NELL1: variants seen among roughly 807,000 people sequenced by gnomAD.
NELL1 encodes protein kinase C-binding protein NELL1.
A neutral mutation model predicts 107.4 loss-of-function variants in NELL1; 76 were observed. That is an observed-to-expected ratio of 0.71 (90% CI 0.59 to 0.86). The LOEUF (loss-of-function observed/expected upper bound fraction) is 0.86, where lower values mean the gene tolerates loss of function less well. Among genes scored for constraint, NELL1 ranks in the 40% least tolerant of loss-of-function variants. The probability of loss-of-function intolerance (pLI) is 0.00; values close to 1 mark genes in which losing one functional copy is unlikely to be tolerated. For missense variants in NELL1, 1,024 were observed against 1,005.5 expected (o/e 1.02, Z -0.25); for synonymous variants, 353 against 341.2 (o/e 1.03, Z -0.38).
intron 14 of NELL1, among the ~76,000 whole-genome samples, chr11:21,315,263 T>C (rs1223388889): frequency 2.0e-5 from 3 of 152,214 alleles, no homozygotes; most frequent in Non-Finnish European, 4.4e-5. Context: ...AAACCTTTTA[T>C]AGTTTATTAA....
chr11:21,275,809 A>G (rs555776235), intron 14 of NELL1, among the ~76,000 whole-genome samples: 1 of 152,372 alleles, frequency 6.6e-6, no homozygotes, highest in East Asian at 1.9e-4. Flanking sequence ...CCATATGATT[A>G]TCTCAGTAGA....
chr11:21,517,974 A>G (rs1324623720), intron 15 of NELL1, among the ~76,000 whole-genome samples: 2 of 151,936 alleles, frequency 1.3e-5, no homozygotes, highest in South Asian at 2.1e-4. Flanking sequence ...GGTGAGCAGC[A>G]TGAGTTCTGT....
chr11:21,315,861 T>TTGGTGG (rs148401464), intron 14 of NELL1, among the ~76,000 whole-genome samples: 1 of 150,888 alleles, frequency 6.6e-6, no homozygotes, highest in African/African-American at 2.4e-5. Flanking sequence ...TTTGAATGTG[T>TTGGTGG]TGGTGGTGGT....
intron 3 of NELL1, among the ~76,000 whole-genome samples, chr11:20,838,146 T>C (rs1455380141): frequency 1.3e-5 from 2 of 151,738 alleles, no homozygotes; most frequent in Non-Finnish European, 2.9e-5. Context: ...ATTACTTCTA[T>C]GGCATTCCTC....
chr11:21,275,953 A>G (rs1355794509), intron 14 of NELL1, among the ~76,000 whole-genome samples: 4 of 152,158 alleles, frequency 2.6e-5, no homozygotes, highest in African/African-American at 4.8e-5. Flanking sequence ...CATACTGAAT[A>G]GGCAAAAACT....
Position 21,539,851 on chromosome 11 carries a change from GC to G in NELL1, c.1786+5339del, listed in dbSNP as rs199779140. Among the ~76,000 whole-genome samples the G allele has an allele frequency of 9.5e-3, 1,439 of 151,686 alleles. 20 individuals are homozygous for G. Among genetic ancestry groups the G allele is most frequent in the African/African-American group, 0.033 (1,372 of 41,388 alleles). On this transcript the variant is annotated intron_variant, in intron 16 of 19. Transcript: ENST00000357134. ...CTGTTCCCATTTAGGGCCATTTAGGGCCATTTAGCCCATTTAGGGCTCCCTT... is the reference window on the plus strand; with the variant it reads ...CTGTTCCCATTTAGGGCCATTTAGGGCATTTAGCCCATTTAGGGCTCCCTT...
rs1357485691 is a variant in NELL1 at position 20,822,969 on chromosome 11, G to T, written c.336-24614G>T. On this transcript the variant is annotated intron_variant, in intron 3 of 19. Coordinates refer to ENST00000357134, the MANE Select transcript of NELL1 (RefSeq NM_006157.5). The stretch of plus-strand genomic sequence containing the variant: ...ATGAGCTCTGGTGGTACACCTAAGA[G>T]CTTGGCTTGGAAAGCTGAAGAGAAC... Among the ~76,000 whole-genome samples, 5 of 152,340 alleles carry T rather than the reference G, an allele frequency of 3.3e-5. No homozygotes were observed. In the East Asian group the frequency reaches 9.7e-4, roughly 29 times the overall value.
In NELL1 at chr11:20,886,083, A is replaced by T. The variant is rs186509612; in HGVS notation, c.603+543A>T. On this transcript the variant is annotated intron_variant, in intron 5 of 19. Coordinates refer to ENST00000357134, the MANE Select transcript of NELL1 (RefSeq NM_006157.5). Reference sequence around the variant, plus strand: ...TACACATGGACACAAAGATGGGAGCAGTAGACACTGTGGACTACTAGAGGT... The same window carrying T: ...TACACATGGACACAAAGATGGGAGCTGTAGACACTGTGGACTACTAGAGGT... Among the ~76,000 whole-genome samples, 18 of 152,312 alleles carry T rather than the reference A, an allele frequency of 1.2e-4. No individual in the cohort carries two copies. In the East Asian group the frequency reaches 3.1e-3, roughly 26 times the overall value.
chr11:20,842,457 C>T (rs1340646664), intron 3 of NELL1, among the ~76,000 whole-genome samples: 1 of 152,012 alleles, frequency 6.6e-6, no homozygotes, highest in Non-Finnish European at 1.5e-5. Context: ...TGAGGGCTGG[C>T]ACCTGGGTCT....
At chr11:21,544,942 T>C (rs1412539251) in intron 16 of NELL1, among the ~76,000 whole-genome samples, 1 of 151,914 alleles carries the variant, frequency 6.6e-6, no homozygotes, top group African/African-American at 2.4e-5. Flanking sequence ...GCTCTATAAC[T>C]ATCAGAATGT....
At chr11:21,026,699 G>A (rs1852822235) in intron 12 of NELL1, among the ~76,000 whole-genome samples, 1 of 152,154 alleles carries the variant, frequency 6.6e-6, no homozygotes. Flanking sequence ...TTTACTTTGT[G>A]TAAGGCATTG....
intron 2 of NELL1, among the ~76,000 whole-genome samples, chr11:20,719,066 A>G (rs1855317793): frequency 6.6e-6 from 1 of 152,234 alleles, no homozygotes; most frequent in South Asian, 2.1e-4. Flanking sequence ...TGCTTAAAGC[A>G]AGTTCCATGG....
At chr11:21,423,556 A>G (rs1852746026) in intron 15 of NELL1, among the ~76,000 whole-genome samples, 1 of 152,194 alleles carries the variant, frequency 6.6e-6, no homozygotes, top group South Asian at 2.1e-4. Flanking sequence ...CCCCACTCTC[A>G]GTAAAGGATA....
rs1013179712 is a variant in NELL1 at position 21,018,550 on chromosome 11, A to C, written c.1300+57990A>C. Among the ~76,000 whole-genome samples the C allele has an allele frequency of 2.6e-5, 4 of 152,206 alleles. No homozygotes were observed. In the South Asian group the frequency reaches 6.2e-4, roughly 24 times the overall value. On this transcript the variant is annotated intron_variant, in intron 12 of 19. Coordinates refer to ENST00000357134, the MANE Select transcript of NELL1 (RefSeq NM_006157.5). ...GGAGAATATCTAATTCTTCAGAGAG[A>C]GAGACAGAGCTATTTTCCTCTCTGT...
At chr11:21,138,624 T>C (rs1420265384) in intron 13 of NELL1, among the ~76,000 whole-genome samples, 1 of 152,190 alleles carries the variant, frequency 6.6e-6, no homozygotes, top group African/African-American at 2.4e-5. Context: ...GAGATGTCAA[T>C]AAACAAAGTA....
At chr11:20,897,725 AAAAC>A (rs1849778458) in intron 5 of NELL1, among the ~76,000 whole-genome samples, 1 of 152,222 alleles carries the variant, frequency 6.6e-6, no homozygotes, top group East Asian at 1.9e-4. Context: ...TTACAAGAAA[AAAAC>A]AAACAACCCC....
chr11:21,076,934 T>C (rs1437239683), intron 12 of NELL1, among the ~76,000 whole-genome samples: 2 of 152,124 alleles, frequency 1.3e-5, no homozygotes, highest in African/African-American at 4.8e-5. Flanking sequence ...CAGTTGCAGA[T>C]GCCAACCTAT....
chr11:21,351,049 G>A (rs1211806307), intron 14 of NELL1, among the ~76,000 whole-genome samples: 1 of 152,072 alleles, frequency 6.6e-6, no homozygotes, highest in African/African-American at 2.4e-5. Flanking sequence ...AATGATATCA[G>A]TAATAAGGAA....
chr11:21,260,702 CAT>C (rs1160376919), intron 14 of NELL1: 2 of 151,804 alleles, frequency 1.3e-5, no homozygotes, highest in Non-Finnish European at 2.9e-5. Flanking sequence ...GAGAAAATGA[CAT>C]TATGTCTTGA....
Sources: allele counts gnomAD v4.1 joint callset (sites outside exome capture counted in the v4.1 genomes callset), GRCh38; gene constraint gnomAD v4.1.1; transcripts MANE v1.5; gene names NCBI Gene and HGNC (gene_info 2026-07-23, HGNC 2026-07-21).